The following NLGN4X variants were observed in gnomAD, a reference collection of about 807,000 sequenced individuals.
NLGN4X encodes neuroligin-4, X-linked.
A neutral mutation model predicts 40.3 loss-of-function variants in NLGN4X; 3 were observed. The observed-to-expected ratio is 0.07, with a 90% CI of 0.03 to 0.19. NLGN4X has a LOEUF of 0.19. NLGN4X is among the 10% of genes least tolerant of loss of function. The probability of loss-of-function intolerance (pLI) is 1.00; values close to 1 mark genes in which losing one functional copy is unlikely to be tolerated. For synonymous variants in NLGN4X, 270 were observed against 306.8 expected (o/e 0.88, Z 1.25); for missense variants, 382 against 708.3 (o/e 0.54, Z 5.23).
chrX:6,168,335 G>T (rs1180544913), intron 1 of NLGN4X, among the ~76,000 whole-genome samples: 2 of 107,017 alleles, frequency 1.9e-5, no homozygotes, highest in Admixed American at 2.0e-4. Flanking sequence ...TTAAGACTAA[G>T]TTCTGTCCGC....
intron 2 of NLGN4X, among the ~76,000 whole-genome samples, chrX:6,043,160 A>ACACACAC (rs33946128): frequency 0.024 from 2,426 of 100,859 alleles, 156 homozygotes; most frequent in East Asian, 0.22. Flanking sequence ...CACACACACA[A>ACACACAC]ACACACGTAT....
In NLGN4X at chrX:6,017,674, A is replaced by G. The variant is rs772607191; in HGVS notation, c.625+11606T>C. 2.7e-5 allele frequency among the ~76,000 whole-genome samples: 3 copies of G among 112,125 alleles called. No homozygotes were observed. In the South Asian group the frequency reaches 1.1e-3, roughly 42 times the overall value. ...AAATGATATTCAGTCAGTAGAAATC[A>G]TATTTTGAATTTTGATATATTCCCA... is the stretch of plus-strand genomic sequence containing the variant. On this transcript the variant is annotated intron_variant, in intron 3 of 5. Coordinates refer to ENST00000381095, the MANE Select transcript of NLGN4X (RefSeq NM_181332.3).
chrX:6,149,896 C>T (rs1472273510), intron 2 of NLGN4X, among the ~76,000 whole-genome samples: 2 of 108,130 alleles, frequency 1.8e-5, no homozygotes, highest in Admixed American at 1.0e-4. Context: ...AGTGGATTAA[C>T]GTCGTTGTTG....
chrX:6,065,348 C>T (rs767472076), intron 2 of NLGN4X, among the ~76,000 whole-genome samples: 1 of 58,940 alleles, frequency 1.7e-5, no homozygotes, highest in East Asian at 5.2e-4. Flanking sequence ...GGCTAAGTGT[C>T]ACTCTCTGGC....
chrX:6,044,693 G>A (rs2037267222), intron 2 of NLGN4X, among the ~76,000 whole-genome samples: 1 of 111,237 alleles, frequency 9.0e-6, no homozygotes, highest in South Asian at 3.9e-4. Context: ...GTAAGTTCAT[G>A]GATTGTAACA....
chrX:5,921,809 C>T (rs764581705), intron 3 of NLGN4X, among the ~76,000 whole-genome samples: 1 of 111,804 alleles, frequency 8.9e-6, no homozygotes, highest in Admixed American at 9.5e-5. Context: ...GCGGTAGCTA[C>T]ACGGTGTTAG....
intron 3 of NLGN4X, among the ~76,000 whole-genome samples, chrX:6,027,473 C>A (rs748901453): frequency 4.5e-5 from 5 of 111,720 alleles, no homozygotes; most frequent in Admixed American, 2.9e-4. Flanking sequence ...CAGAAACCAA[C>A]CTGGAATTTT....
intron 3 of NLGN4X, among the ~76,000 whole-genome samples, chrX:5,925,899 T>TACACACAC (rs1555921219): frequency 3.2e-5 from 1 of 31,314 alleles, no homozygotes; most frequent in Non-Finnish European, 4.7e-5. Flanking sequence ...TATATATATA[T>TACACACAC]ATATATATAT....
At chrX:6,136,149 G>A (rs1049966450) in intron 2 of NLGN4X, among the ~76,000 whole-genome samples, 1 of 111,863 alleles carries the variant, frequency 8.9e-6, no homozygotes, top group African/African-American at 3.3e-5. Context: ...TGCTATCATA[G>A]CTCACTGCAG....
intron 2 of NLGN4X, among the ~76,000 whole-genome samples, chrX:6,123,977 A>G (rs1035025081): frequency 1.8e-5 from 2 of 111,227 alleles, no homozygotes; most frequent in African/African-American, 6.5e-5. Context: ...AAATACTTTT[A>G]GCAACATATT....
In NLGN4X at chrX:6,029,364, T is replaced by C. The variant is rs753908054; in HGVS notation, c.541A>G (p.Thr181Ala). 8.3e-7 allele frequency: 1 copy of C among 1,210,064 alleles called. No individual in the cohort carries two copies. Among genetic ancestry groups the C allele is most frequent in the Admixed American group, 2.2e-5 (1 of 45,990 alleles). ...ATGCTGCCGTCAATCATGTTGCCGG[T>C]GCCCTCCATGTAAGATCCCCCATGG... ...YIHGGSYMEGTGNMIDGSILA... is the reference protein window; with the variant it reads ...YIHGGSYMEGAGNMIDGSILA... The change falls in exon 3 of 6, where the codon ACC becomes GCC. Residue 181 changes from threonine to alanine, a missense_variant. By Grantham distance (58) the Thr-to-Ala change is moderately conservative (BLOSUM62 0). Around this residue, in one of 5 missense-constraint regions of NLGN4X, gnomAD observed 115 missense variants for 149.6 expected, o/e 0.77. Transcript: ENST00000381095.
intron 3 of NLGN4X, among the ~76,000 whole-genome samples, chrX:5,985,448 A>AT (rs993962863): frequency 1.9e-3 from 211 of 108,292 alleles, no homozygotes; most frequent in Middle Eastern, 4.7e-3. Flanking sequence ...TTATTTATTT[A>AT]TTTTTTTTTA....
intron 3 of NLGN4X, among the ~76,000 whole-genome samples, chrX:5,992,293 C>T (rs1449223221): frequency 8.9e-6 from 1 of 111,972 alleles, no homozygotes; most frequent in Non-Finnish European, 1.9e-5. Flanking sequence ...AACGGAATAC[C>T]TGAAGCTGAG....
chrX:5,951,955 C>A (rs1350731078), intron 3 of NLGN4X, among the ~76,000 whole-genome samples: 1 of 112,366 alleles, frequency 8.9e-6, no homozygotes, highest in African/African-American at 3.2e-5. Context: ...CATTTCCCTC[C>A]AGAGTGGGAA....
At chrX:5,900,263 A>G (rs746818258) in intron 5 of NLGN4X, among the ~76,000 whole-genome samples, 153 of 112,326 alleles carry the variant, frequency 1.4e-3, no homozygotes, top group African/African-American at 4.6e-3. Context: ...ATACTAGAGT[A>G]GGGTGAGCTT....
At chrX:6,177,075 G>A (rs765897833) in intron 1 of NLGN4X, among the ~76,000 whole-genome samples, 1 of 112,148 alleles carries the variant, frequency 8.9e-6, no homozygotes, top group Non-Finnish European at 1.9e-5. Context: ...ATATTAGACT[G>A]TGCATAATGA....
chrX:6,053,891 T>C (rs1432637489), intron 2 of NLGN4X, among the ~76,000 whole-genome samples: 1 of 112,440 alleles, frequency 8.9e-6, no homozygotes, highest in Non-Finnish European at 1.9e-5. Context: ...CATTATCACA[T>C]ATGTTATACA....
At chrX:6,120,191 A>C (rs1472261624) in intron 2 of NLGN4X, among the ~76,000 whole-genome samples, 1 of 111,167 alleles carries the variant, frequency 9.0e-6, no homozygotes, top group Non-Finnish European at 1.9e-5. Context: ...CGCAACACAT[A>C]TGTATACAAA....
intron 1 of NLGN4X, among the ~76,000 whole-genome samples, chrX:6,184,544 G>C (rs2147812667): frequency 9.3e-6 from 1 of 107,679 alleles, no homozygotes; most frequent in East Asian, 2.9e-4. Flanking sequence ...AAATGCTGGG[G>C]GGGGTGGGGA....
Sources: gnomAD v4.1 joint callset for allele counts (sites outside exome capture counted in the v4.1 genomes callset) on GRCh38, gnomAD v4.1.1 for gene constraint, gnomAD v4.1.1 regional missense constraint, MANE v1.5 for transcripts, NCBI Gene and HGNC (gene_info 2026-07-23, HGNC 2026-07-21) for gene names.